Variants in SPINK9 observed in about 807,000 individuals in gnomAD.
SPINK9 encodes serine peptidase inhibitor Kazal type 9.
A neutral mutation model predicts 10.8 loss-of-function variants in SPINK9; 3 were observed. That is an observed-to-expected ratio of 0.28 (90% confidence interval 0.13 to 0.72). The LOEUF is 0.72. Among genes scored for constraint, SPINK9 ranks in the 30% least tolerant of loss-of-function variants. The pLI is 0.74. For missense variants in SPINK9, 101 were observed against 103.2 expected (o/e 0.98, Z 0.09); for synonymous variants, 30 against 31.2 (o/e 0.96, Z 0.12).
chr5:148,330,066 C>T (rs904444505), intron 2 of SPINK9, among the ~76,000 whole-genome samples: 4 of 152,058 alleles, frequency 2.6e-5, no homozygotes, highest in Non-Finnish European at 2.9e-5. Flanking sequence ...TCTTTTTTAA[C>T]TTTCTGTCTC....
chr5:148,336,184 A>G (rs1757214881), intron 1 of SPINK9, among the ~76,000 whole-genome samples: 1 of 152,160 alleles, frequency 6.6e-6, no homozygotes, highest in Non-Finnish European at 1.5e-5. Flanking sequence ...ATTCTCATTC[A>G]TCGTGGCATC....
upstream of SPINK9, among the ~76,000 whole-genome samples, chr5:148,331,569 G>A (rs1757151121): frequency 1.3e-5 from 2 of 152,138 alleles, no homozygotes; most frequent in Admixed American, 1.3e-4. Flanking sequence ...TGCACAGCAT[G>A]AGTACTGTTA....
chr5:148,332,193 TCTGTTC>T (rs1379132131), upstream of SPINK9, among the ~76,000 whole-genome samples: 2 of 152,198 alleles, frequency 1.3e-5, no homozygotes, highest in East Asian at 3.8e-4. Context: ...ACGTGATAAA[TCTGTTC>T]CTATGAAGGA....
At chr5:148,339,624 A>G (rs371524841) in intron 3 of SPINK9, 43 bp from the exon 4 acceptor site, 10 of 1,578,714 alleles carry the variant, frequency 6.3e-6, no homozygotes, top group Middle Eastern at 1.7e-4. Context: ...TGAAATGCCT[A>G]TGGGCTCAGC....
chr5:148,323,414 A>G (rs1027184760), intron 1 of SPINK9, among the ~76,000 whole-genome samples: 3 of 152,186 alleles, frequency 2.0e-5, no homozygotes, highest in African/African-American at 7.2e-5. Flanking sequence ...AAGAATTATG[A>G]TGGCAATAAT....
chr5:148,335,449 C>G (rs973939920), upstream of SPINK9: 11 of 566,824 alleles, frequency 1.9e-5, no homozygotes, highest in South Asian at 2.6e-4. Context: ...CCCCATGGCT[C>G]GCAGACATTT....
At chr5:148,338,732 T>C in intron 3 of SPINK9, 127 bp downstream of exon 3, 1 of 633,714 alleles carries the variant, frequency 1.6e-6, no homozygotes, top group Non-Finnish European at 2.5e-6. Context: ...AAACAGAACC[T>C]TCCAGTTGGT....
At chr5:148,322,764 A>G (rs546945527) in intron 1 of SPINK9, among the ~76,000 whole-genome samples, 9 of 152,312 alleles carry the variant, frequency 5.9e-5, no homozygotes, top group Admixed American at 3.9e-4. Context: ...GCAGACTTAC[A>G]TAAGAAAGCT....
At chr5:148,323,879 C>T (rs1757027208) in intron 2 of SPINK9, 3 of 688,674 alleles carry the variant, frequency 4.4e-6, no homozygotes, top group Non-Finnish European at 7.9e-6. Flanking sequence ...GTATGTAGCC[C>T]GCGAAAGTAA....
chr5:148,335,995 G>C (rs1757212397), intron 1 of SPINK9, among the ~76,000 whole-genome samples: 1 of 152,064 alleles, frequency 6.6e-6, no homozygotes, highest in Non-Finnish European at 1.5e-5. Flanking sequence ...TCAATTGTTT[G>C]GCACCATGGG....
upstream of SPINK9, among the ~76,000 whole-genome samples, chr5:148,331,248 A>C (rs975447320): frequency 6.6e-6 from 1 of 152,252 alleles, no homozygotes; most frequent in Non-Finnish European, 1.5e-5. Flanking sequence ...TAGAGGAATG[A>C]ATTTTTAAAA....
At chr5:148,329,031 G>C (rs1039277210) in intron 2 of SPINK9, among the ~76,000 whole-genome samples, 1 of 152,148 alleles carries the variant, frequency 6.6e-6, no homozygotes, top group African/African-American at 2.4e-5. Flanking sequence ...AATTAGTTAG[G>C]GAGGATTCCC....
At chr5:148,327,083 C>T (rs1221153820) in intron 2 of SPINK9, among the ~76,000 whole-genome samples, 4 of 152,140 alleles carry the variant, frequency 2.6e-5, no homozygotes, top group East Asian at 1.9e-4. Context: ...CCCGAGGAAT[C>T]GCCACACTGT....
At chr5:148,325,591 C>T (rs1757048410) in intron 2 of SPINK9, among the ~76,000 whole-genome samples, 1 of 152,018 alleles carries the variant, frequency 6.6e-6, no homozygotes, top group Non-Finnish European at 1.5e-5. Context: ...AAATCCTTTG[C>T]TCATTTTTAA....
At chr5:148,329,687 A>T (rs1429379486) in intron 2 of SPINK9, among the ~76,000 whole-genome samples, 5 of 151,674 alleles carry the variant, frequency 3.3e-5, no homozygotes, top group Admixed American at 6.6e-5. Context: ...TGTGTCCCAG[A>T]GATTCTGGTA....
intron 2 of SPINK9, among the ~76,000 whole-genome samples, chr5:148,325,276 T>C (rs955149271): frequency 6.6e-6 from 1 of 152,160 alleles, no homozygotes. Context: ...TCAATAATCT[T>C]GAATAAATAC....
intron 2 of SPINK9, among the ~76,000 whole-genome samples, chr5:148,338,222 A>G (rs1757243105): frequency 6.6e-6 from 1 of 152,160 alleles, no homozygotes; most frequent in Non-Finnish European, 1.5e-5. Flanking sequence ...ATCAACCAGT[A>G]TTGTGAGAAA....
At chr5:148,325,666 A>G (rs749221703) in intron 2 of SPINK9, among the ~76,000 whole-genome samples, 1 of 152,138 alleles carries the variant, frequency 6.6e-6, no homozygotes, top group Non-Finnish European at 1.5e-5. Context: ...CATAAGATAC[A>G]TGATTTGCAA....
chr5:148,328,884 G>A (rs1185092028), intron 2 of SPINK9, among the ~76,000 whole-genome samples: 1 of 152,164 alleles, frequency 6.6e-6, no homozygotes, highest in Non-Finnish European at 1.5e-5. Flanking sequence ...GCTTTTTGAT[G>A]TGTTGCTGGA....
Sources: gnomAD v4.1 joint callset for allele counts (sites outside exome capture counted in the v4.1 genomes callset) on GRCh38, gnomAD v4.1.1 for gene constraint, MANE v1.5 for transcripts, NCBI Gene and HGNC (gene_info 2026-07-23, HGNC 2026-07-21) for gene names.